The following CSMD3 variants were observed in gnomAD, a reference collection of about 807,000 sequenced individuals.
CSMD3 encodes CUB and sushi domain-containing protein 3.
In CSMD3, 177 loss-of-function variants were observed where a neutral mutation model predicts 435.2. The ratio of observed to expected loss-of-function variants is 0.41; its 90% CI spans 0.36 to 0.46. The LOEUF is 0.46. CSMD3 is among the 20% of genes least tolerant of loss of function. The pLI is 0.34. For missense variants in CSMD3, 4,265 were observed against 4,504.6 expected (o/e 0.95, Z 1.52); for synonymous variants, 1,656 against 1,520.5 (o/e 1.09, Z -2.07).
intron 35 of CSMD3, among the ~76,000 whole-genome samples, chr8:112,405,454 T>C (rs954527536): frequency 1.3e-5 from 2 of 151,072 alleles, no homozygotes; most frequent in African/African-American, 2.4e-5. Flanking sequence ...CTACTTTCTA[T>C]ATTTTCTATG....
At chr8:112,627,864 T>A (rs1374349696) in intron 22 of CSMD3, among the ~76,000 whole-genome samples, 3 of 152,204 alleles carry the variant, frequency 2.0e-5, no homozygotes, top group Admixed American at 2.0e-4. Flanking sequence ...CCAAAGTTTG[T>A]GGCAGACACA....
At chr8:113,398,328 A>G (rs544147980) in intron 1 of CSMD3, among the ~76,000 whole-genome samples, 1 of 152,304 alleles carries the variant, frequency 6.6e-6, no homozygotes, top group African/African-American at 2.4e-5. Flanking sequence ...ACAGGAAATG[A>G]CACCTCACAG....
chr8:113,106,064 A>G (rs538651321), intron 4 of CSMD3, among the ~76,000 whole-genome samples: 22 of 152,162 alleles, frequency 1.4e-4, no homozygotes, highest in Admixed American at 1.4e-3. Context: ...CCCAGACTAA[A>G]TCTGGCTTAT....
intron 24 of CSMD3, among the ~76,000 whole-genome samples, chr8:112,563,101 C>A (rs1192300244): frequency 6.6e-6 from 1 of 151,468 alleles, no homozygotes; most frequent in Admixed American, 6.6e-5. Context: ...CTGCAATAAT[C>A]CTCTGTGATT....
At position 112,275,873 on chromosome 8, in the gene CSMD3, C is replaced by T. The variant is rs565583892; in HGVS notation, c.9508+5301G>A. Among the ~76,000 whole-genome samples the T allele has an allele frequency of 4.6e-5, 7 of 152,210 alleles. No individual in the cohort carries two copies. The East Asian group carries it at 9.7e-4, about 21-fold the overall frequency. On this transcript the variant is annotated intron_variant, in intron 59 of 70. Coordinates refer to ENST00000297405, the MANE Select transcript of CSMD3 (RefSeq NM_198123.2). ...TACAGCCAAACCATATTATTCCAAG[C>T]GTGGCCCCTCACAAATCTCATATCC...
intron 53 of CSMD3, among the ~76,000 whole-genome samples, chr8:112,298,786 A>G (rs894946673): frequency 1.3e-5 from 2 of 152,170 alleles, no homozygotes; most frequent in Non-Finnish European, 2.9e-5. Flanking sequence ...AACAGAATGG[A>G]GAGAAAAAGA....
intron 22 of CSMD3, among the ~76,000 whole-genome samples, chr8:112,597,097 C>G (rs906874691): frequency 6.6e-6 from 1 of 151,640 alleles, no homozygotes; most frequent in African/African-American, 2.4e-5. Flanking sequence ...TTGAAAGGAT[C>G]AACAAAATTG....
At chr8:112,826,401 G>T (rs1364211147) in intron 12 of CSMD3, among the ~76,000 whole-genome samples, 1 of 152,170 alleles carries the variant, frequency 6.6e-6, no homozygotes, top group Non-Finnish European at 1.5e-5. Flanking sequence ...GATTCTAGAT[G>T]AGTGGCTATT....
At position 112,344,117 on chromosome 8, in the gene CSMD3, T is replaced by C. The variant is rs1254446761; in HGVS notation, c.6442+1980A>G. The stretch of plus-strand genomic sequence containing the variant: ...CAGGATGGTCTCAATCTCCTGACCT[T>C]GTGATCTGCCCGCATCAGCCTCCCA... On this transcript the variant is annotated intron_variant, in intron 41 of 70. Transcript: ENST00000297405. Among the ~76,000 whole-genome samples, 4 of 152,034 alleles carry C rather than the reference T, an allele frequency of 2.6e-5. 1 individual carries two copies. Among genetic ancestry groups the C allele is most frequent in the Admixed American group, 2.6e-4 (4 of 15,264 alleles).
At chr8:112,426,114 T>C (rs892909585) in intron 32 of CSMD3, among the ~76,000 whole-genome samples, 2 of 152,074 alleles carry the variant, frequency 1.3e-5, no homozygotes, top group Non-Finnish European at 2.9e-5. Flanking sequence ...ATAAAAAAAG[T>C]GAGCTGCAAT....
intron 3 of CSMD3, among the ~76,000 whole-genome samples, chr8:113,223,133 C>A (rs1363587755): frequency 6.7e-6 from 1 of 150,368 alleles, no homozygotes; most frequent in African/African-American, 2.4e-5. Context: ...AAGTATAACT[C>A]CATATTAATT....
intron 53 of CSMD3, among the ~76,000 whole-genome samples, chr8:112,297,210 T>A (rs1820385577): frequency 6.9e-6 from 1 of 145,698 alleles, no homozygotes; most frequent in South Asian, 2.1e-4. Context: ...CCTTTGAAAT[T>A]ATTTTATGAA....
intron 6 of CSMD3, among the ~76,000 whole-genome samples, chr8:113,015,305 G>A (rs1031298337): frequency 6.6e-6 from 1 of 151,942 alleles, no homozygotes. Flanking sequence ...GCCTATTTGA[G>A]AATCTATGTA....
chr8:112,843,966 C>T (rs2080249875), intron 11 of CSMD3, among the ~76,000 whole-genome samples: 2 of 151,830 alleles, frequency 1.3e-5, no homozygotes, highest in African/African-American at 4.8e-5. Context: ...ACTTTTATAA[C>T]AGCATCCAGA....
chr8:112,973,582 G>C (rs2084739042), intron 7 of CSMD3, among the ~76,000 whole-genome samples: 1 of 151,872 alleles, frequency 6.6e-6, no homozygotes, highest in African/African-American at 2.4e-5. Context: ...AATAATACTA[G>C]TTAGATGTCA....
chr8:112,335,268 C>CT (rs1279385744), intron 45 of CSMD3, 61 bp downstream of exon 45: 18 of 1,518,974 alleles, frequency 1.2e-5, no homozygotes, highest in East Asian at 2.3e-5. Context: ...ATTACATTCA[C>CT]TTTTTTCCAG....
At chr8:112,295,242 A>T (rs1003224487) in intron 54 of CSMD3, among the ~76,000 whole-genome samples, 1 of 152,000 alleles carries the variant, frequency 6.6e-6, no homozygotes, top group African/African-American at 2.4e-5. Context: ...TCAACCACAC[A>T]CTCTCTATAT....
chr8:112,247,270 T>C, intron 63 of CSMD3, 139 bp from the exon 64 acceptor site: 1 of 656,316 alleles, frequency 1.5e-6, no homozygotes, highest in Non-Finnish European at 2.7e-6. Context: ...GAAATCTGAT[T>C]TAAAATAAAA....
rs192025625 is a variant in CSMD3, at chr8:112,742,531, T to A, written c.1973-52481A>T. 5.2e-3 allele frequency among the ~76,000 whole-genome samples: 783 copies of A among 152,000 alleles called. 6 individuals carry two copies. Among genetic ancestry groups the A allele is most frequent in the African/African-American group, 0.018 (746 of 41,488 alleles). ...AAAGTACAGTTTGAATACTGTATTT[T>A]AAAAAAATACATTATTTTTGCCTAT... On this transcript the variant is annotated intron_variant, in intron 13 of 70. Coordinates refer to ENST00000297405, the MANE Select transcript of CSMD3 (RefSeq NM_198123.2).
Sources: allele counts gnomAD v4.1 joint callset (sites outside exome capture counted in the v4.1 genomes callset), GRCh38; gene constraint gnomAD v4.1.1; transcripts MANE v1.5; gene names NCBI Gene and HGNC (gene_info 2026-07-23, HGNC 2026-07-21).